The following MYCBP2 variants were observed in gnomAD, a reference collection of about 807,000 sequenced individuals.
MYCBP2 encodes MYC binding protein 2, also known as E3 ubiquitin-protein ligase MYCBP2.
MYCBP2 carries 120 observed loss-of-function variants against 525.3 expected under a neutral mutation model. The ratio of observed to expected loss-of-function variants is 0.23; its 90% CI spans 0.20 to 0.27. The LOEUF (loss-of-function observed/expected upper bound fraction) is 0.27, where lower values mean the gene tolerates loss of function less well. MYCBP2 is among the 10% of genes least tolerant of loss of function. The pLI, the probability that MYCBP2 is intolerant of heterozygous loss-of-function variation, is 1.00. For synonymous variants in MYCBP2, 1,894 were observed against 1,955.8 expected (o/e 0.97, Z 0.83); for missense variants, 4,149 against 5,657.1 (o/e 0.73, Z 8.55).
At chr13:77,215,579 G>C (rs954135348) in intron 21 of MYCBP2, among the ~76,000 whole-genome samples, 6 of 152,180 alleles carry the variant, frequency 3.9e-5, no homozygotes, top group African/African-American at 1.4e-4. Context: ...AGAAGTCACA[G>C]TGGGGTTCTT....
At chr13:77,126,092 T>C (rs181342108) in intron 53 of MYCBP2, among the ~76,000 whole-genome samples, 2 of 152,336 alleles carry the variant, frequency 1.3e-5, no homozygotes, top group Admixed American at 1.3e-4. Context: ...CAAACATTTA[T>C]ATATACAATA....
chr13:77,078,846 T>G lies in MYCBP2; in HGVS notation c.11462A>C (p.Glu3821Ala). The G allele has an allele frequency of 1.2e-6, 2 of 1,613,704 alleles. No individual in the cohort carries two copies. Residue 3821 changes from glutamate (E) to alanine (A), a missense_variant, in exon 66 of 83, where the codon GAA (glutamate) becomes GCA (alanine). Physicochemically the swap from Glu to Ala is moderately radical, Grantham distance 107 (BLOSUM62 -1). This residue lies in a region of MYCBP2 where 509 missense variants were observed against 789.4 expected (regional missense o/e 0.64). Transcript: ENST00000544440. ...TACCTGCTTTATTCTGCACAAATCT[T>G]CTACTGCTTTGCCAGTTAAGAAGGT... Reference protein sequence around the residue: ...SMTFLTGKAVEDLCRIKQVDL... With the variant: ...SMTFLTGKAVADLCRIKQVDL...
chr13:77,137,620 G>A (rs1036905586), intron 52 of MYCBP2, among the ~76,000 whole-genome samples: 4 of 151,886 alleles, frequency 2.6e-5, no homozygotes, highest in East Asian at 1.9e-4. Flanking sequence ...ACAGAGATTC[G>A]CTCTGTCTCC....
intron 49 of MYCBP2, among the ~76,000 whole-genome samples, chr13:77,142,098 C>A (rs1483880288): frequency 6.6e-6 from 1 of 152,150 alleles, no homozygotes; most frequent in Non-Finnish European, 1.5e-5. Context: ...GAAAAAAACT[C>A]TATCTACTGA....
At chr13:77,211,822 C>T in intron 22 of MYCBP2, 134 bp downstream of exon 22, 1 of 702,796 alleles carries the variant, frequency 1.4e-6, no homozygotes, top group Non-Finnish European at 2.3e-6. Flanking sequence ...CATTTACAGG[C>T]TTTGTTTAAA....
At position 77,327,036 on chromosome 13, in the gene MYCBP2, G is replaced by GCCGCCGCCACCACCGCTA. The variant is rs1555489850; in HGVS notation, c.-279_-262dup. 10 of 437,342 alleles carry GCCGCCGCCACCACCGCTA rather than the reference G, an allele frequency of 2.3e-5. No homozygotes were observed. Among genetic ancestry groups the GCCGCCGCCACCACCGCTA allele is most frequent in the South Asian group, 7.0e-5 (1 of 14,222 alleles). 27.1% of individuals were successfully genotyped at this position (437,342 alleles called of 1,614,324 possible). ...GTGAGGAGGAGGCGGTGCCGCCACT[G>GCCGCCGCCACCACCGCTA]CCGCCGCCACCACCGCTACCACCGC... On this transcript the variant is annotated 5_prime_UTR_variant, in exon 1 of 83. Coordinates refer to ENST00000544440, the MANE Select transcript of MYCBP2 (RefSeq NM_015057.5).
Position 77,090,133 on chromosome 13 carries a change from T to G in MYCBP2, c.10498A>C (p.Arg3500=), listed in dbSNP as rs756419308. The G allele has an allele frequency of 3.7e-6, 6 of 1,611,976 alleles. No homozygotes were observed. Among genetic ancestry groups the G allele is most frequent in the Non-Finnish European group, 5.1e-6 (6 of 1,178,916 alleles). The stretch of plus-strand genomic sequence containing the variant: ...GTGTCTCCACTGTTAACTCTTCTTC[T>G]AGGAATAGCTTTAACTCGTGCAGGT... ...ILPARVKAIP[R]RRVNSGDTEV... Residue 3500 remains arginine, a synonymous_variant, in exon 60 of 83, where the codon AGA becomes CGA. Transcript: ENST00000544440.
chr13:77,266,889 T>G (rs1318497304), intron 8 of MYCBP2, among the ~76,000 whole-genome samples: 2 of 151,970 alleles, frequency 1.3e-5, no homozygotes, highest in Non-Finnish European at 2.9e-5. Context: ...TTTAACATAG[T>G]GTCATGTACA....
chr13:77,208,691 T>A (rs1025802217), intron 23 of MYCBP2, among the ~76,000 whole-genome samples: 1 of 152,212 alleles, frequency 6.6e-6, no homozygotes, highest in Non-Finnish European at 1.5e-5. Context: ...TCAAACTTCA[T>A]ACTTGTGATC....
intron 63 of MYCBP2, 151 bp from the exon 64 acceptor site, chr13:77,082,144 C>T: frequency 3.0e-6 from 2 of 674,880 alleles, no homozygotes; most frequent in Non-Finnish European, 4.6e-6. Flanking sequence ...AAAATCATTC[C>T]TATTGTTTTT....
Position 77,096,337 on chromosome 13 carries a change from T to G in MYCBP2, c.9929A>C (p.Glu3310Ala). ...CTTCTCCCTTGCAGCAGCCTGTTTT[T>G]CGCGGAGGTATTTTTCTCTACAGCG... ...CDRCREKYLR[E>A]KQAAAREKVK... The change falls in exon 57 of 83, where the codon GAA (glutamate) becomes GCA (alanine). Residue 3310 changes from glutamate to alanine, a missense_variant. Glu to Ala is a moderately radical substitution (Grantham distance 107, BLOSUM62 -1). Coordinates refer to ENST00000544440, the MANE Select transcript of MYCBP2 (RefSeq NM_015057.5). 6.2e-7 allele frequency: 1 copy of G among 1,613,298 alleles called. No individual in the cohort carries two copies. The highest frequency in any genetic ancestry group is 8.5e-7 in the Non-Finnish European group (1 of 1,179,498).
At position 77,055,549 on chromosome 13, in the gene MYCBP2, A is replaced by AT; in HGVS notation, c.13647+8dup. ...TTTTTAAAACTTCTCAGTATAATTT[A>AT]TAGCATACCTTTCTGCATTTGTAGC... is the stretch of plus-strand genomic sequence containing the variant. On this transcript the variant is annotated intron_variant, in intron 80 of 82. Transcript: ENST00000544440. The AT allele has an allele frequency of 6.2e-7, 1 of 1,610,680 alleles. No homozygotes were observed. Among genetic ancestry groups the AT allele is most frequent in the Non-Finnish European group, 8.5e-7 (1 of 1,177,778 alleles).
chr13:77,249,333 T>C (rs1053138193), intron 15 of MYCBP2, among the ~76,000 whole-genome samples: 3 of 152,244 alleles, frequency 2.0e-5, no homozygotes, highest in African/African-American at 7.2e-5. Context: ...GTCAGCTTAA[T>C]AGTCCTTAAT....
chr13:77,223,781 C>T (rs926571920), intron 20 of MYCBP2, among the ~76,000 whole-genome samples: 4 of 152,212 alleles, frequency 2.6e-5, no homozygotes, highest in Non-Finnish European at 5.9e-5. Flanking sequence ...GAAAGGTACA[C>T]CCTTTCCCTT....
At chr13:77,067,455 G>A in intron 71 of MYCBP2, 126 bp downstream of exon 71, 1 of 943,666 alleles carries the variant, frequency 1.1e-6, no homozygotes, top group Non-Finnish European at 1.6e-6. Context: ...TTAGATATTA[G>A]CCAGTTGTTT....
At position 77,081,696 on chromosome 13, in the gene MYCBP2, C is replaced by T; in HGVS notation, c.11194-45G>A. Reference sequence around the variant, plus strand: ...GTACTTATGATACTTAAAAGCAAATCTTTCGTGATGATAAAACAAACAGGT... The same window carrying T: ...GTACTTATGATACTTAAAAGCAAATTTTTCGTGATGATAAAACAAACAGGT... On this transcript the variant is annotated intron_variant, in intron 64 of 82. Transcript: ENST00000544440. The surrounding 1 kb of genome is among the most constrained non-coding windows in gnomAD (Gnocchi z 4.6). 6.5e-7 allele frequency: 1 copy of T among 1,549,662 alleles called. No homozygotes were observed. Among genetic ancestry groups the T allele is most frequent in the Non-Finnish European group, 8.7e-7 (1 of 1,146,224 alleles).
intron 17 of MYCBP2, 91 bp from the exon 18 acceptor site, chr13:77,233,354 A>C (rs941203484): frequency 9.5e-7 from 1 of 1,047,548 alleles, no homozygotes; most frequent in Non-Finnish European, 1.4e-6. Flanking sequence ...AAAAGCATAA[A>C]AATTTATTCT....
intron 1 of MYCBP2, among the ~76,000 whole-genome samples, chr13:77,319,162 G>A (rs1374753966): frequency 1.3e-5 from 2 of 152,078 alleles, no homozygotes; most frequent in African/African-American, 2.4e-5. Context: ...CGCAGATCCA[G>A]CACCCCGAAC....
intron 21 of MYCBP2, among the ~76,000 whole-genome samples, chr13:77,216,382 T>A (rs1206084346): frequency 6.6e-6 from 1 of 152,150 alleles, no homozygotes; most frequent in African/African-American, 2.4e-5. Context: ...GAAAGAATGA[T>A]CAATGGATGC....
Sources: allele counts gnomAD v4.1 joint callset (sites outside exome capture counted in the v4.1 genomes callset), GRCh38; gene constraint gnomAD v4.1.1; regional missense constraint gnomAD v4.1.1; non-coding constraint Gnocchi (gnomAD v3.1); transcripts MANE v1.5; gene names NCBI Gene and HGNC (gene_info 2026-07-23, HGNC 2026-07-21).